ZMYM2: variants seen among roughly 807,000 people sequenced by gnomAD.
ZMYM2 encodes zinc finger MYM-type containing 2, also known as zinc finger MYM-type protein 2.
A neutral mutation model predicts 162.8 loss-of-function variants in ZMYM2; 56 were observed. That is an observed-to-expected ratio of 0.34 (90% CI 0.28 to 0.43). ZMYM2 has a LOEUF of 0.43. Ranked by LOEUF, ZMYM2 falls within the 20% of genes least tolerant of loss-of-function variation. The pLI is 1.00. For missense variants in ZMYM2, 1,275 were observed against 1,621.8 expected (o/e 0.79, Z 3.67); for synonymous variants, 510 against 541.6 (o/e 0.94, Z 0.81).
the ZMYM2 span, among the ~76,000 whole-genome samples, chr13:19,936,682 A>G: frequency 6.6e-6 from 1 of 152,138 alleles, no homozygotes; most frequent in Admixed American, 6.6e-5. Context: ...AGATCACACC[A>G]CTGCACTCCA....
At chr13:20,048,300 A>AG (rs1955003975) in intron 12 of ZMYM2, among the ~76,000 whole-genome samples, 1 of 145,174 alleles carries the variant, frequency 6.9e-6, no homozygotes, top group Non-Finnish European at 1.5e-5. Context: ...TTTTTTTAAA[A>AG]TTTTTTTGAA....
At chr13:20,051,668 C>T in intron 13 of ZMYM2, 70 bp downstream of exon 13, 1 of 1,428,144 alleles carries the variant, frequency 7.0e-7, no homozygotes, top group Non-Finnish European at 9.4e-7. Context: ...GAATCCAAAG[C>T]ACTGATAATG....
At chr13:19,917,595 T>TC in the ZMYM2 span, among the ~76,000 whole-genome samples, 1 of 76,728 alleles carries the variant, frequency 1.3e-5, no homozygotes, top group Non-Finnish European at 3.4e-5. Context: ...CATCTCAAAT[T>TC]TAAAAAAAAA....
At position 20,034,242 on chromosome 13, in the gene ZMYM2, T is replaced by C; in HGVS notation, c.1969-12T>C. The C allele has an allele frequency of 6.4e-7, 1 of 1,562,624 alleles. No homozygotes were observed. Among genetic ancestry groups the C allele is most frequent in the African/African-American group, 1.4e-5 (1 of 72,210 alleles). ...CGTCATATACTTACCAAGGTTCCCA[T>C]TGTGCATTTAGAACAAAGTGCATCA... On this transcript the variant is annotated splice_polypyrimidine_tract_variant and intron_variant, in intron 10 of 24. Transcript: ENST00000610343.
rs186494447 is a variant in ZMYM2, at chr13:20,059,741, G to A, written c.2739+179G>A. Among the ~76,000 whole-genome samples the A allele has an allele frequency of 2.6e-3, 387 of 151,462 alleles. 1 individual carries two copies. The highest frequency in any genetic ancestry group is 3.8e-3 in the Non-Finnish European group (259 of 67,912). On this transcript the variant is annotated intron_variant, in intron 16 of 24. Transcript: ENST00000610343. ...CTCTATATTGGCAGGTTCCACATCC[G>A]TGACCAAACACAGACTGAAAATACA...
the ZMYM2 span, among the ~76,000 whole-genome samples, chr13:19,880,358 T>G: frequency 1.3e-5 from 2 of 152,344 alleles, no homozygotes; most frequent in African/African-American, 4.8e-5. Context: ...TAGTTTTGAT[T>G]GTACAAATAT....
At chr13:19,877,799 G>A in the ZMYM2 span, among the ~76,000 whole-genome samples, 1 of 152,116 alleles carries the variant, frequency 6.6e-6, no homozygotes, top group Non-Finnish European at 1.5e-5. Context: ...TCTGCCGATG[G>A]ACACTAAGGT....
chr13:19,866,992 G>C, the ZMYM2 span, among the ~76,000 whole-genome samples: 1 of 152,170 alleles, frequency 6.6e-6, no homozygotes, highest in Non-Finnish European at 1.5e-5. Context: ...TTAATTCTTG[G>C]AGTTAATATG....
chr13:19,947,333 T>A, the ZMYM2 span, among the ~76,000 whole-genome samples: 1 of 152,222 alleles, frequency 6.6e-6, no homozygotes, highest in Non-Finnish European at 1.5e-5. Context: ...GTGCTGGGAT[T>A]ACAGGCGTGA....
the ZMYM2 span, among the ~76,000 whole-genome samples, chr13:19,889,434 C>T: frequency 1.3e-5 from 2 of 152,026 alleles, no homozygotes; most frequent in Admixed American, 6.5e-5. Context: ...ATTCTCCTGC[C>T]TCAGCCTCCC....
chr13:20,084,188 T>G (rs1958092775), intron 24 of ZMYM2, among the ~76,000 whole-genome samples: 1 of 152,158 alleles, frequency 6.6e-6, no homozygotes, highest in Non-Finnish European at 1.5e-5. Flanking sequence ...AATTTTTGTA[T>G]TTTTTGTAGA....
chr13:20,036,958 C>G, intron 12 of ZMYM2, 49 bp downstream of exon 12: 1 of 1,497,088 alleles, frequency 6.7e-7, no homozygotes. Flanking sequence ...TCTTAAAAAA[C>G]GTTGTAGCTG....
chr13:20,041,288 C>CT (rs1954223145), intron 12 of ZMYM2, among the ~76,000 whole-genome samples: 1 of 152,096 alleles, frequency 6.6e-6, no homozygotes, highest in Non-Finnish European at 1.5e-5. Context: ...TCTGATGGTT[C>CT]AATTGAACCC....
intron 11 of ZMYM2, among the ~76,000 whole-genome samples, chr13:20,035,355 A>G (rs1358537279): frequency 1.3e-5 from 2 of 152,212 alleles, no homozygotes; most frequent in Admixed American, 6.5e-5. Context: ...CTTATAAAAC[A>G]AGGCATTCCT....
chr13:19,887,276 C>A, the ZMYM2 span, among the ~76,000 whole-genome samples: 1 of 151,738 alleles, frequency 6.6e-6, no homozygotes, highest in Non-Finnish European at 1.5e-5. Flanking sequence ...CGTATGTAAT[C>A]CCAGCACTTT....
rs1958407459 is a variant in ZMYM2 at position 20,088,768 on chromosome 13, C to A, written c.*2754C>A. ...GCATTCAAATTTATCACTGTTTTTT[C>A]TGACAGACTTTCCCTTTGTCCTTTC... On this transcript the variant is annotated 3_prime_UTR_variant, in exon 25 of 25. Transcript: ENST00000610343. The A allele has an allele frequency of 5.1e-6, 1 of 195,272 alleles. No homozygotes were observed. Among genetic ancestry groups the A allele is most frequent in the African/African-American group, 2.3e-5 (1 of 43,250 alleles). The allele number at this position is 195,272 out of a possible 1,614,324, so 12.1% of individuals were successfully genotyped here.
chr13:19,868,636 TAAC>T, the ZMYM2 span, among the ~76,000 whole-genome samples: 1 of 152,238 alleles, frequency 6.6e-6, no homozygotes, highest in African/African-American at 2.4e-5. Context: ...ATTAGCATTA[TAAC>T]ATGAATTCAT....
At chr13:20,081,483 G>A (rs1957903480) in intron 21 of ZMYM2, among the ~76,000 whole-genome samples, 1 of 152,114 alleles carries the variant, frequency 6.6e-6, no homozygotes. Context: ...TTTTACAGGT[G>A]GAGAATTAGG....
chr13:19,907,761 CAAAA>C, the ZMYM2 span, among the ~76,000 whole-genome samples: 2 of 39,116 alleles, frequency 5.1e-5, no homozygotes, highest in East Asian at 1.1e-3. Context: ...GACTCTGTCT[CAAAA>C]AAAAAAAAAA....
Sources: allele counts gnomAD v4.1 joint callset (sites outside exome capture counted in the v4.1 genomes callset), GRCh38; gene constraint gnomAD v4.1.1; transcripts MANE v1.5; gene names NCBI Gene and HGNC (gene_info 2026-07-23, HGNC 2026-07-21).